SCAMP1: variants seen among roughly 807,000 people sequenced by gnomAD.
SCAMP1 encodes secretory carrier membrane protein 1.
Under a neutral mutation model 41.8 loss-of-function variants are expected in SCAMP1, and 15 were observed. That is an observed-to-expected ratio of 0.36 (90% CI 0.24 to 0.55). The LOEUF (loss-of-function observed/expected upper bound fraction) is 0.55, where lower values mean the gene tolerates loss of function less well. SCAMP1 is among the 20% of genes least tolerant of loss of function. The pLI is 0.86. For missense variants in SCAMP1, 341 were observed against 412.6 expected (o/e 0.83, Z 1.50); for synonymous variants, 135 against 136.8 (o/e 0.99, Z 0.09).
intron 8 of SCAMP1, 120 bp downstream of exon 8, chr5:78,459,482 C>T: frequency 1.7e-6 from 1 of 590,084 alleles, no homozygotes; most frequent in Non-Finnish European, 3.0e-6. Context: ...TGAGTTTGCT[C>T]TCTGAGGATT....
chr5:78,382,776 G>GGT (rs61523492), intron 1 of SCAMP1, among the ~76,000 whole-genome samples: 7,855 of 130,168 alleles, frequency 0.06, 222 homozygotes, highest in Middle Eastern at 0.11. Context: ...AGTATTCCAT[G>GGT]GTGTGTGTGT....
chr5:78,391,656 G>A (rs897347414), intron 2 of SCAMP1, among the ~76,000 whole-genome samples: 4 of 152,166 alleles, frequency 2.6e-5, no homozygotes, highest in East Asian at 1.9e-4. Context: ...CAAGGCAGGC[G>A]GCTGGGAGGT....
At chr5:78,472,165 G>A (rs750811959) in intron 8 of SCAMP1, among the ~76,000 whole-genome samples, 212 of 152,156 alleles carry the variant, frequency 1.4e-3, no homozygotes, top group Middle Eastern at 6.8e-3. Context: ...GCAACTTGGT[G>A]ATAATTGTGC....
At chr5:78,453,586 T>A (rs1180080926) in intron 7 of SCAMP1, among the ~76,000 whole-genome samples, 1 of 151,572 alleles carries the variant, frequency 6.6e-6, no homozygotes, top group Non-Finnish European at 1.5e-5. Flanking sequence ...TTGGTTACTG[T>A]AGCCTTGTAG....
intron 1 of SCAMP1, among the ~76,000 whole-genome samples, chr5:78,385,003 G>A (rs770263613): frequency 4.6e-5 from 7 of 152,022 alleles, no homozygotes; most frequent in Non-Finnish European, 1.0e-4. Flanking sequence ...CTGTTTTTCG[G>A]AATAGTGCCA....
At chr5:78,401,383 G>A (rs766910562) in intron 2 of SCAMP1, among the ~76,000 whole-genome samples, 4 of 152,026 alleles carry the variant, frequency 2.6e-5, no homozygotes, top group African/African-American at 4.8e-5. Flanking sequence ...TCTTTCCTCC[G>A]ATTGAGACTG....
At chr5:78,429,490 T>C (rs1752547551) in intron 6 of SCAMP1, among the ~76,000 whole-genome samples, 1 of 152,084 alleles carries the variant, frequency 6.6e-6, no homozygotes, top group South Asian at 2.1e-4. Flanking sequence ...TGATTGACTT[T>C]TGTAAACCAA....
chr5:78,428,364 T>A (rs1279388323), intron 6 of SCAMP1, among the ~76,000 whole-genome samples: 1 of 152,194 alleles, frequency 6.6e-6, no homozygotes. Flanking sequence ...CTTGTCCATA[T>A]ATGGAGAGGT....
intron 6 of SCAMP1, among the ~76,000 whole-genome samples, chr5:78,448,772 G>A (rs111984618): frequency 0.011 from 1,704 of 152,130 alleles, 15 homozygotes; most frequent in African/African-American, 0.031. Context: ...AGGCCGAGGC[G>A]GGCAGATCAC....
intron 8 of SCAMP1, among the ~76,000 whole-genome samples, chr5:78,467,749 A>G (rs1219654154): frequency 1.3e-5 from 2 of 152,320 alleles, no homozygotes; most frequent in East Asian, 3.9e-4. Context: ...TAGGGATACT[A>G]TAAGCTAAAA....
At chr5:78,428,724 T>C (rs1752526940) in intron 6 of SCAMP1, among the ~76,000 whole-genome samples, 1 of 152,148 alleles carries the variant, frequency 6.6e-6, no homozygotes, top group African/African-American at 2.4e-5. Context: ...ATTAATACCC[T>C]GACAGCATTG....
Position 78,475,575 on chromosome 5 carries a change from G to C in SCAMP1, c.924G>C (p.Met308Ile). 6.2e-7 allele frequency: 1 copy of C among 1,611,074 alleles called. No individual in the cohort carries two copies. Among genetic ancestry groups the C allele is most frequent in the Non-Finnish European group, 8.5e-7 (1 of 1,178,900 alleles). The change falls in exon 9 of 9, where the codon ATG (methionine) becomes ATC (isoleucine). Residue 308 changes from methionine to isoleucine, a missense_variant. By Grantham distance (10) the Met-to-Ile change is conservative. Coordinates refer to ENST00000621999, the MANE Select transcript of SCAMP1 (RefSeq NM_004866.6). ...AACAGGAGTTTGCAACAGGTGTGAT[G>C]TCCAACAAAACTGTCCAGACCGCAG... ...KAQQEFATGV[M>I]SNKTVQTAAA...
intron 2 of SCAMP1, among the ~76,000 whole-genome samples, chr5:78,399,453 T>C (rs1437135747): frequency 6.6e-6 from 1 of 152,260 alleles, no homozygotes; most frequent in Admixed American, 6.5e-5. Context: ...TGAGAGTTTC[T>C]GTTGCTCTAC....
At chr5:78,469,899 AAAAAAAAAAAAAAC>A (rs1753834201) in intron 8 of SCAMP1, among the ~76,000 whole-genome samples, 4 of 35,842 alleles carry the variant, frequency 1.1e-4, no homozygotes, top group African/African-American at 5.1e-4. Context: ...TTAAAAAAAA[AAAAAAAAAAAAAAC>A]AAAAAAAAAA....
intron 6 of SCAMP1, among the ~76,000 whole-genome samples, chr5:78,427,718 A>T (rs996759573): frequency 1.8e-4 from 27 of 152,056 alleles, no homozygotes; most frequent in Non-Finnish European, 2.9e-4. Flanking sequence ...TTGTCTTTTG[A>T]TTATTGCCAT....
intron 1 of SCAMP1, among the ~76,000 whole-genome samples, chr5:78,373,010 T>C (rs975988224): frequency 6.6e-6 from 1 of 152,112 alleles, no homozygotes; most frequent in African/African-American, 2.4e-5. Flanking sequence ...ATACTGAAGT[T>C]AGAAAAATTA....
chr5:78,463,773 A>G (rs1449532410), intron 8 of SCAMP1, among the ~76,000 whole-genome samples: 1 of 152,172 alleles, frequency 6.6e-6, no homozygotes, highest in African/African-American at 2.4e-5. Context: ...GGTTGTGTAG[A>G]TATTATAGTC....
chr5:78,385,083 T>C (rs1751310138), intron 1 of SCAMP1, among the ~76,000 whole-genome samples: 1 of 150,738 alleles, frequency 6.6e-6, no homozygotes, highest in African/African-American at 2.5e-5. Flanking sequence ...GGCCATGGAC[T>C]TTTTTTTGTT....
rs113657744 is a variant in SCAMP1, at chr5:78,385,933, G to T, written c.58-2904G>T. Among the ~76,000 whole-genome samples the T allele has an allele frequency of 8.5e-3, 1,299 of 152,232 alleles. 21 individuals carry two copies. Among genetic ancestry groups the T allele is most frequent in the African/African-American group, 0.029 (1,214 of 41,544 alleles). On this transcript the variant is annotated intron_variant, in intron 1 of 8. Coordinates refer to ENST00000621999, the MANE Select transcript of SCAMP1 (RefSeq NM_004866.6). The stretch of plus-strand genomic sequence containing the variant: ...ATGTATGCTTGTATGTTCTGCAGTT[G>T]TTGGGTAGAATATTCTGTAAATATT...
Sources: allele counts gnomAD v4.1 joint callset (sites outside exome capture counted in the v4.1 genomes callset), GRCh38; gene constraint gnomAD v4.1.1; transcripts MANE v1.5; gene names NCBI Gene and HGNC (gene_info 2026-07-23, HGNC 2026-07-21).